CEP85L: variants seen among roughly 807,000 people sequenced by gnomAD.
CEP85L encodes centrosomal protein 85L, also known as centrosomal protein of 85 kDa-like.
In CEP85L, 60 loss-of-function variants were observed where a neutral mutation model predicts 100.3. The ratio of observed to expected loss-of-function variants is 0.60; its 90% CI spans 0.49 to 0.74. The LOEUF is 0.74. CEP85L is among the 30% of genes least tolerant of loss of function. The pLI is 0.00. For synonymous variants in CEP85L, 319 were observed against 322.7 expected, an observed-to-expected ratio of 0.99 and a Z score of 0.12; for missense variants, 973 against 936.2, an observed-to-expected ratio of 1.04 and a Z score of -0.51.
At chr6:118,631,227 C>A (rs890991717) in intron 2 of CEP85L, among the ~76,000 whole-genome samples, 3 of 152,148 alleles carry the variant, frequency 2.0e-5, no homozygotes, top group Admixed American at 6.5e-5. Flanking sequence ...TCTAAAAAAA[C>A]TGCTCTAAAA....
intron 5 of CEP85L, chr6:118,501,427 G>C (rs1482487589): frequency 5.3e-6 from 2 of 379,644 alleles, no homozygotes; most frequent in Non-Finnish European, 1.0e-5. Flanking sequence ...TGGGGCCTGA[G>C]AACATGAATC....
At chr6:118,623,134 C>T (rs559996654) in intron 2 of CEP85L, among the ~76,000 whole-genome samples, 8 of 152,288 alleles carry the variant, frequency 5.3e-5, no homozygotes, top group African/African-American at 1.7e-4. Context: ...GGCCAAATCC[C>T]TATTTACAGG....
At chr6:118,688,745 C>T (rs1776929191) in intron 1 of CEP85L, among the ~76,000 whole-genome samples, 1 of 152,182 alleles carries the variant, frequency 6.6e-6, no homozygotes, top group Non-Finnish European at 1.5e-5. Flanking sequence ...CTTTGGCCCA[C>T]TCCTATTTCA....
Position 118,632,471 on chromosome 6 carries a change from A to G in CEP85L, c.214T>C (p.Cys72Arg). 1.2e-6 allele frequency: 2 copies of G among 1,606,578 alleles called. No homozygotes were observed. The highest frequency in any genetic ancestry group is 1.7e-6 in the Non-Finnish European group (2 of 1,177,102). The change falls in exon 2 of 13, where the codon TGT becomes CGT. Residue 72 changes from cysteine (C) to arginine (R), a missense_variant. By Grantham distance (180) the Cys-to-Arg change is radical (BLOSUM62 -3). Coordinates refer to ENST00000368491, the MANE Select transcript of CEP85L (RefSeq NM_001042475.3). ...AGCTCACCTTCCACGCTATCAGAAC[A>G]GGAAGTTCCAATGCCAGTGTCTCCA... is the stretch of plus-strand genomic sequence containing the variant. ...DSGDTGIGTS[C>R]SDSVEDHSTS...
chr6:118,584,978 T>C (rs534597623), intron 2 of CEP85L, among the ~76,000 whole-genome samples: 1 of 152,292 alleles, frequency 6.6e-6, no homozygotes, highest in East Asian at 1.9e-4. Context: ...GAACAAATCA[T>C]AGTACAGACC....
At chr6:118,596,967 G>A (rs1315057728) in intron 2 of CEP85L, among the ~76,000 whole-genome samples, 2 of 152,180 alleles carry the variant, frequency 1.3e-5, no homozygotes, top group Admixed American at 1.3e-4. Context: ...CCAGTGGGAG[G>A]TAATTTCATC....
intron 3 of CEP85L, among the ~76,000 whole-genome samples, chr6:118,527,949 T>G (rs891151476): frequency 6.6e-6 from 1 of 152,148 alleles, no homozygotes; most frequent in Non-Finnish European, 1.5e-5. Context: ...GATTAAGGAT[T>G]TATGGTCTCC....
At chr6:118,690,767 G>C (rs1306511907) in intron 1 of CEP85L, among the ~76,000 whole-genome samples, 1 of 152,192 alleles carries the variant, frequency 6.6e-6, no homozygotes, top group Non-Finnish European at 1.5e-5. Context: ...GGGAGGCAGA[G>C]GCAAGAGGAT....
chr6:118,704,428 T>G (rs1196047926), intron 1 of CEP85L, among the ~76,000 whole-genome samples: 1 of 152,148 alleles, frequency 6.6e-6, no homozygotes, highest in African/African-American at 2.4e-5. Flanking sequence ...TGCACCCTGG[T>G]GTGACCTCAC....
At chr6:118,513,227 T>C (rs958730687) in intron 4 of CEP85L, among the ~76,000 whole-genome samples, 10 of 151,936 alleles carry the variant, frequency 6.6e-5, no homozygotes, top group African/African-American at 1.5e-4. Context: ...ACATGTACAA[T>C]TGGAATCTCT....
chr6:118,488,034 A>G (rs1046462323), intron 6 of CEP85L, among the ~76,000 whole-genome samples: 1 of 152,118 alleles, frequency 6.6e-6, no homozygotes. Flanking sequence ...AACTAGTACA[A>G]AGATATGAAA....
At position 118,500,287 on chromosome 6, in the gene CEP85L, G is replaced by A. The variant is rs112486477; in HGVS notation, c.1258-8422C>T. Reference sequence around the variant, plus strand: ...GGGAGCCAAAAATGCCAAAGGGACCGTGACCAACTCAGCATTCCACTGGTG... The same window carrying A: ...GGGAGCCAAAAATGCCAAAGGGACCATGACCAACTCAGCATTCCACTGGTG... On this transcript the variant is annotated intron_variant, in intron 5 of 12. Coordinates refer to ENST00000368491, the MANE Select transcript of CEP85L (RefSeq NM_001042475.3). 4.3e-3 allele frequency among the ~76,000 whole-genome samples: 658 copies of A among 152,222 alleles called. 8 individuals carry two copies. Among genetic ancestry groups the A allele is most frequent in the African/African-American group, 0.015 (635 of 41,524 alleles).
At chr6:118,579,776 T>C (rs1780459724) in intron 2 of CEP85L, among the ~76,000 whole-genome samples, 1 of 152,228 alleles carries the variant, frequency 6.6e-6, no homozygotes, top group Non-Finnish European at 1.5e-5. Flanking sequence ...TTGGCAAGTT[T>C]CTTTTCTTTT....
intron 1 of CEP85L, among the ~76,000 whole-genome samples, chr6:118,709,181 G>A (rs1777698392): frequency 6.6e-6 from 1 of 152,010 alleles, no homozygotes; most frequent in Non-Finnish European, 1.5e-5. Context: ...TTATGGGAGG[G>A]TAGCGACCTC....
At chr6:118,675,478 A>G (rs891714431) in intron 1 of CEP85L, among the ~76,000 whole-genome samples, 9 of 152,124 alleles carry the variant, frequency 5.9e-5, no homozygotes, top group Non-Finnish European at 1.3e-4. Flanking sequence ...TGTGCACTTT[A>G]AAAGTGTAAA....
At chr6:118,576,262 T>C (rs958404788) in intron 2 of CEP85L, among the ~76,000 whole-genome samples, 1 of 152,120 alleles carries the variant, frequency 6.6e-6, no homozygotes, top group African/African-American at 2.4e-5. Flanking sequence ...ACTCAAGGCC[T>C]CCTAGCGAGA....
At chr6:118,519,489 TGAAACTCCGTGTGC>T (rs1562223044) in intron 4 of CEP85L, among the ~76,000 whole-genome samples, 48 of 47,016 alleles carry the variant, frequency 1.0e-3, no homozygotes, top group Non-Finnish European at 1.1e-3. Context: ...GGGGGGGTTG[TGAAACTCCGTGTGC>T]GTGTGTGTGG....
upstream of CEP85L, chr6:118,651,604 C>T: frequency 1.9e-6 from 2 of 1,068,964 alleles, no homozygotes; most frequent in Non-Finnish European, 2.3e-6. Context: ...GCCCCCTCCG[C>T]CGGCAGAGCC....
At chr6:118,644,024 C>T (rs1775037052) in intron 1 of CEP85L, among the ~76,000 whole-genome samples, 1 of 152,212 alleles carries the variant, frequency 6.6e-6, no homozygotes, top group Non-Finnish European at 1.5e-5. Flanking sequence ...TGGTAAAGAG[C>T]AATTCAAACA....
Sources: allele counts gnomAD v4.1 joint callset (sites outside exome capture counted in the v4.1 genomes callset), GRCh38; gene constraint gnomAD v4.1.1; transcripts MANE v1.5; gene names NCBI Gene and HGNC (gene_info 2026-07-23, HGNC 2026-07-21).